HDAC9: variants seen among roughly 807,000 people sequenced by gnomAD.
The protein encoded by HDAC9 is MEF-2 interacting transcription repressor (MITR) protein.
Under a neutral mutation model 139.4 loss-of-function variants are expected in HDAC9, and 41 were observed. That is an observed-to-expected ratio of 0.29 (90% CI 0.23 to 0.38). HDAC9 has a LOEUF of 0.38. Ranked by LOEUF, HDAC9 falls within the 10% of genes least tolerant of loss-of-function variation. The pLI is 1.00. For missense variants in HDAC9, 1,147 were observed against 1,297.0 expected (o/e 0.88, Z 1.78); for synonymous variants, 517 against 476.2 (o/e 1.09, Z -1.12).
chr7:18,222,802 GT>G (rs1273994541), intron 2 of HDAC9, among the ~76,000 whole-genome samples: 1 of 152,004 alleles, frequency 6.6e-6, no homozygotes, highest in Non-Finnish European at 1.5e-5. Flanking sequence ...TTGTTGGTTT[GT>G]TTTGCTATTT....
intron 2 of HDAC9, among the ~76,000 whole-genome samples, chr7:18,251,371 G>A (rs943712025): frequency 6.6e-6 from 1 of 152,118 alleles, no homozygotes; most frequent in Non-Finnish European, 1.5e-5. Context: ...AGAGTGGTGG[G>A]GGGAGGGAGA....
At chr7:18,701,683 A>G (rs568806528) in intron 12 of HDAC9, among the ~76,000 whole-genome samples, 3 of 152,378 alleles carry the variant, frequency 2.0e-5, no homozygotes, top group African/African-American at 7.2e-5. Flanking sequence ...AATAATTAGT[A>G]GATAAAATCA....
chr7:18,487,157 A>G (rs564928153), intron 1 of HDAC9, among the ~76,000 whole-genome samples: 1 of 152,208 alleles, frequency 6.6e-6, no homozygotes, highest in South Asian at 2.1e-4. Flanking sequence ...GATGCCTAAA[A>G]TAAAGGCATT....
chr7:18,969,098 G>C (rs1784087223), intron 24 of HDAC9, among the ~76,000 whole-genome samples: 1 of 151,716 alleles, frequency 6.6e-6, no homozygotes, highest in East Asian at 1.9e-4. Flanking sequence ...ACAGAGTGCT[G>C]CATGTACAGG....
intron 1 of HDAC9, among the ~76,000 whole-genome samples, chr7:18,324,815 A>G (rs1800310946): frequency 6.6e-6 from 1 of 152,186 alleles, no homozygotes; most frequent in Admixed American, 6.5e-5. Context: ...TAGCATTTAC[A>G]GAAATAATTA....
At chr7:18,709,536 G>T (rs957824131) in intron 12 of HDAC9, among the ~76,000 whole-genome samples, 3 of 152,112 alleles carry the variant, frequency 2.0e-5, no homozygotes, top group Non-Finnish European at 4.4e-5. Flanking sequence ...TTAAGAACTA[G>T]ATTAAAATTT....
At chr7:18,219,186 A>G (rs899264082) in intron 2 of HDAC9, among the ~76,000 whole-genome samples, 2 of 152,126 alleles carry the variant, frequency 1.3e-5, no homozygotes, top group African/African-American at 2.4e-5. Context: ...TCTTGAATCT[A>G]TGTAGTATTT....
rs1322506955 is a variant in HDAC9 at position 18,591,709 on chromosome 7, T to G, written c.542+67T>G. ...ACACAGGTTCTGTATTTAGCCGACC[T>G]GGGTACACATCCTTAGCCTGCCATT... On this transcript the variant is annotated intron_variant, in intron 5 of 25. Transcript: ENST00000686413. 7 of 1,572,106 alleles carry G rather than the reference T, an allele frequency of 4.5e-6. No individual in the cohort carries two copies. The East Asian group carries it at 1.6e-4, about 35-fold the overall frequency.
chr7:18,350,576 T>C (rs1018179619), intron 1 of HDAC9, among the ~76,000 whole-genome samples: 1 of 152,142 alleles, frequency 6.6e-6, no homozygotes, highest in African/African-American at 2.4e-5. Context: ...AAGATGCAAA[T>C]CACTTTGGAA....
At chr7:18,907,429 G>T (rs1297336789) in intron 22 of HDAC9, among the ~76,000 whole-genome samples, 2 of 152,138 alleles carry the variant, frequency 1.3e-5, no homozygotes, top group African/African-American at 4.8e-5. Context: ...TTAAAGAGGG[G>T]CACATTATAA....
intron 2 of HDAC9, among the ~76,000 whole-genome samples, chr7:18,246,878 T>G (rs1187660158): frequency 6.6e-6 from 1 of 151,170 alleles, no homozygotes; most frequent in Non-Finnish European, 1.5e-5. Context: ...GTAGCAAGAG[T>G]GAGAGTGCTA....
chr7:18,143,347 T>A (rs943973431), intron 1 of HDAC9, among the ~76,000 whole-genome samples: 1 of 152,194 alleles, frequency 6.6e-6, no homozygotes, highest in Non-Finnish European at 1.5e-5. Flanking sequence ...AAAAGCTCTA[T>A]GCGTATGATG....
chr7:18,415,859 CTTTTT>C (rs1167875535), intron 1 of HDAC9, among the ~76,000 whole-genome samples: 1 of 151,810 alleles, frequency 6.6e-6, no homozygotes, highest in Non-Finnish European at 1.5e-5. Flanking sequence ...TATTCTTGCT[CTTTTT>C]TTTAGTTATA....
At chr7:18,612,326 A>G (rs983877819) in intron 6 of HDAC9, among the ~76,000 whole-genome samples, 1 of 152,128 alleles carries the variant, frequency 6.6e-6, no homozygotes, top group Non-Finnish European at 1.5e-5. Flanking sequence ...CACTACCACT[A>G]CATATACATA....
rs375628872 is a variant in HDAC9, at chr7:18,605,721, C to T, written c.664+11692C>T. ...TTTGAGACAGAGTCTTGTTCTGTCG[C>T]CCAGGCTGGAATGCAGTGGCATGAT... On this transcript the variant is annotated intron_variant, in intron 6 of 25. Coordinates refer to ENST00000686413, the MANE Select transcript of HDAC9 (RefSeq NM_178425.4). Among the ~76,000 whole-genome samples, 18 of 152,050 alleles carry T rather than the reference C, an allele frequency of 1.2e-4. 2 individuals are homozygous for T. The highest frequency in any genetic ancestry group is 4.3e-4 in the African/African-American group (18 of 41,444).
At chr7:18,630,528 T>G (rs1382116129) in intron 7 of HDAC9, among the ~76,000 whole-genome samples, 2 of 152,116 alleles carry the variant, frequency 1.3e-5, no homozygotes, top group Non-Finnish European at 2.9e-5. Flanking sequence ...CGATAATTTT[T>G]GGAAAATAAT....
chr7:18,941,884 A>G (rs1442279509), intron 23 of HDAC9, among the ~76,000 whole-genome samples: 1 of 152,054 alleles, frequency 6.6e-6, no homozygotes, highest in Admixed American at 6.6e-5. Flanking sequence ...ATTTTTGTTT[A>G]TATCTTTTAT....
chr7:18,794,262 G>A (rs927885192), intron 17 of HDAC9, among the ~76,000 whole-genome samples: 11 of 152,234 alleles, frequency 7.2e-5, no homozygotes, highest in African/African-American at 2.4e-4. Flanking sequence ...TAGCAATTGC[G>A]GGGCTTAGGG....
chr7:18,981,370 T>C (rs1385455540), intron 25 of HDAC9, among the ~76,000 whole-genome samples: 1 of 152,208 alleles, frequency 6.6e-6, no homozygotes, highest in African/African-American at 2.4e-5. Flanking sequence ...TGCCTTGTAC[T>C]CCTCAAAACG....
Sources: allele counts gnomAD v4.1 joint callset (sites outside exome capture counted in the v4.1 genomes callset), GRCh38; gene constraint gnomAD v4.1.1; transcripts MANE v1.5; gene names NCBI Gene and HGNC (gene_info 2026-07-23, HGNC 2026-07-21).